Variants in CRYBG1 observed in about 807,000 individuals in gnomAD.
CRYBG1 encodes beta/gamma crystallin domain-containing protein 1.
Under a neutral mutation model 189.2 loss-of-function variants are expected in CRYBG1, and 139 were observed. The observed-to-expected ratio is 0.73, with a 90% confidence interval of 0.64 to 0.85. The LOEUF is 0.85. CRYBG1 is among the 40% of genes least tolerant of loss of function. The probability of loss-of-function intolerance (pLI) is 0.00; values close to 1 mark genes in which losing one functional copy is unlikely to be tolerated. For synonymous variants in CRYBG1, 1,023 were observed against 1,017.1 expected (o/e 1.01, Z -0.11); for missense variants, 2,611 against 2,675.8 (o/e 0.98, Z 0.53).
chr6:106,419,060 C>G (rs1042090380), intron 1 of CRYBG1, among the ~76,000 whole-genome samples: 11 of 152,164 alleles, frequency 7.2e-5, no homozygotes, highest in African/African-American at 2.7e-4. Context: ...GTTGTCTGCC[C>G]CTTACTGTAC....
intron 1 of CRYBG1, among the ~76,000 whole-genome samples, chr6:106,403,000 C>T (rs1770751138): frequency 6.6e-6 from 1 of 152,138 alleles, no homozygotes; most frequent in African/African-American, 2.4e-5. Context: ...AACATTAACG[C>T]ACAGCAGCTT....
At chr6:106,548,872 T>A (rs564238027) in intron 13 of CRYBG1, among the ~76,000 whole-genome samples, 9 of 150,886 alleles carry the variant, frequency 6.0e-5, no homozygotes, top group Non-Finnish European at 8.9e-5. Context: ...TAGGTATATC[T>A]CCTAATGCTA....
chr6:106,444,959 C>T (rs567170279), intron 1 of CRYBG1, among the ~76,000 whole-genome samples: 1 of 151,302 alleles, frequency 6.6e-6, no homozygotes, highest in East Asian at 1.9e-4. Context: ...CATAGTGAGA[C>T]CCCGTCTTTA....
At chr6:106,396,760 C>T (rs111334984) in intron 1 of CRYBG1, among the ~76,000 whole-genome samples, 4 of 152,364 alleles carry the variant, frequency 2.6e-5, no homozygotes, top group African/African-American at 9.6e-5. Context: ...CTGCTCACTG[C>T]AACCTCTGCC....
rs373644273 is a variant in CRYBG1 at position 106,377,621 on chromosome 6, T to TTATATATATA, written c.173+16558_173+16567dup. ...TGTGTAACTCATAAGTCCTAAGGTT[T>TTATATATATA]TATATATATATATATATATATATAT... On this transcript the variant is annotated intron_variant, in intron 1 of 21. Transcript: ENST00000633556. Among the ~76,000 whole-genome samples the TTATATATATA allele has an allele frequency of 4.1e-3, 282 of 69,468 alleles. 15 individuals are homozygous for TTATATATATA. Among genetic ancestry groups the TTATATATATA allele is most frequent in the Middle Eastern group, 9.3e-3 (1 of 108 alleles). The allele number at this position is 69,468 out of a possible 152,430, so 45.6% of individuals were successfully genotyped here. A position where few individuals can be genotyped will look rare whatever the true frequency, so the allele number is the denominator to read the frequency against.
In CRYBG1 at chr6:106,544,931, AG is replaced by A; in HGVS notation, c.5311del (p.Val1771TyrfsTer3). 6.3e-7 allele frequency: 1 copy of A among 1,592,582 alleles called. No homozygotes were observed. Among genetic ancestry groups the A allele is most frequent in the Non-Finnish European group, 8.5e-7 (1 of 1,174,310 alleles). ...CACAGTCTATTAATGTACTGAGTGG[AG>A]TGTAAGTGAAATAATCCAGTTGGAA... ...KTQSINVLSG[V>X]WVAYENPDFT... On this transcript the variant is annotated frameshift_variant and splice_region_variant, in exon 13 of 22. Transcript: ENST00000633556. LOFTEE classifies it high-confidence loss of function.
intron 1 of CRYBG1, among the ~76,000 whole-genome samples, chr6:106,433,500 C>A (rs111535643): frequency 0.028 from 4,181 of 151,940 alleles, 187 homozygotes; most frequent in African/African-American, 0.086. Context: ...GGATTTAATT[C>A]TTTGACTAGT....
In CRYBG1 at chr6:106,534,268, A is replaced by T. The variant is rs532558400; in HGVS notation, c.4718+3953A>T. Among the ~76,000 whole-genome samples, 8 of 152,318 alleles carry T rather than the reference A, an allele frequency of 5.3e-5. No individual in the cohort carries two copies. In the South Asian group the frequency reaches 1.7e-3, roughly 32 times the overall value. On this transcript the variant is annotated intron_variant, in intron 8 of 21. Coordinates refer to ENST00000633556, the MANE Select transcript of CRYBG1 (RefSeq NM_001371242.2). ...AGTTTAGCTTTGCCTCCTGGGTGGT[A>T]GTTACCAGCCTGTCACAGCTTACAA... is the stretch of plus-strand genomic sequence containing the variant.
At chr6:106,538,083 G>A (rs1384631724) in intron 8 of CRYBG1, among the ~76,000 whole-genome samples, 1 of 152,150 alleles carries the variant, frequency 6.6e-6, no homozygotes, top group African/African-American at 2.4e-5. Context: ...ACAACATGGT[G>A]GAGTACCACG....
rs1224439620 is a variant in CRYBG1, at chr6:106,551,932, G to A, written c.5393G>A (p.Trp1798Ter). The A allele has an allele frequency of 1.2e-6, 2 of 1,611,384 alleles. No homozygotes were observed. The highest frequency in any genetic ancestry group is 8.5e-7 in the Non-Finnish European group (1 of 1,178,112). The change falls in exon 14 of 22, where the codon TGG (tryptophan) becomes TAG (stop). Residue 1798 changes from tryptophan (W) to a stop codon, truncating the protein, a stop_gained. Coordinates refer to ENST00000633556, the MANE Select transcript of CRYBG1 (RefSeq NM_001371242.2). LOFTEE classifies it high-confidence loss of function. ...DKGFYTSFED[W>*]GGKNCKISSV... Reference sequence around the variant, plus strand: ...GGATTTTATACCAGTTTTGAGGACTGGGGAGGCAAAAATTGTAAGATCTCT... The same window carrying A: ...GGATTTTATACCAGTTTTGAGGACTAGGGAGGCAAAAATTGTAAGATCTCT...
At chr6:106,554,916 C>T (rs991013238) in intron 16 of CRYBG1, among the ~76,000 whole-genome samples, 4 of 152,108 alleles carry the variant, frequency 2.6e-5, no homozygotes, top group Non-Finnish European at 5.9e-5. Context: ...CCTGTAATCC[C>T]AGCACTTTGG....
chr6:106,532,146 C>T (rs571758670), intron 8 of CRYBG1, among the ~76,000 whole-genome samples: 7 of 152,188 alleles, frequency 4.6e-5, no homozygotes, highest in South Asian at 2.1e-4. Flanking sequence ...ACCTCAAACA[C>T]GTATTATTTC....
chr6:106,412,943 T>TAAAA (rs565658964), intron 1 of CRYBG1, among the ~76,000 whole-genome samples: 1 of 118,848 alleles, frequency 8.4e-6, no homozygotes, highest in African/African-American at 3.0e-5. Context: ...ACAAATTCTT[T>TAAAA]AAAAAAAAAA....
At position 106,480,147 on chromosome 6, in the gene CRYBG1, CATG is replaced by C. The variant is rs1772412812; in HGVS notation, c.312+28319_312+28321del. Among the ~76,000 whole-genome samples the C allele has an allele frequency of 5.9e-5, 9 of 152,242 alleles. No homozygotes were observed. In the South Asian group the frequency reaches 1.7e-3, roughly 28 times the overall value. On this transcript the variant is annotated intron_variant, in intron 2 of 21. Transcript: ENST00000633556. Reference sequence around the variant, plus strand: ...AGAAATACAGTCTGTTTCTCAGTGACATGATGCCAGGGGAGACATTAATTGCAG... The same window carrying C: ...AGAAATACAGTCTGTTTCTCAGTGACATGCCAGGGGAGACATTAATTGCAG...
chr6:106,553,536 T>C lies in CRYBG1; in HGVS notation c.5554T>C (p.Ser1852Pro). ...AACAAGTCAAATTGATGATTCATTT[T>C]CTACCAAGTCTTGCAGAGTTTCAGG... ...ETTSQIDDSFSTKSCRVSGGS... is the reference protein window; with the variant it reads ...ETTSQIDDSFPTKSCRVSGGS... The change falls in exon 16 of 22, where the codon TCT (serine) becomes CCT (proline). Residue 1852 changes from serine to proline, a missense_variant. Ser to Pro is a moderately conservative substitution (Grantham distance 74). Coordinates refer to ENST00000633556, the MANE Select transcript of CRYBG1 (RefSeq NM_001371242.2). 1 of 1,613,756 alleles carries C rather than the reference T, an allele frequency of 6.2e-7. No homozygotes were observed. The highest frequency in any genetic ancestry group is 8.5e-7 in the Non-Finnish European group (1 of 1,179,626).
intron 12 of CRYBG1, 44 bp from the exon 13 acceptor site, chr6:106,544,744 A>G: frequency 6.2e-7 from 1 of 1,606,642 alleles, no homozygotes; most frequent in Non-Finnish European, 8.5e-7. Context: ...TTCTTTGGAT[A>G]ATAAATGGCT....
intron 2 of CRYBG1, among the ~76,000 whole-genome samples, chr6:106,486,050 G>A (rs554784576): frequency 1.3e-5 from 2 of 152,118 alleles, no homozygotes; most frequent in African/African-American, 4.8e-5. Context: ...ACATGGTTAG[G>A]TTATTTATTA....
intron 1 of CRYBG1, among the ~76,000 whole-genome samples, chr6:106,371,182 T>C (rs1450777002): frequency 1.3e-5 from 2 of 152,232 alleles, no homozygotes; most frequent in Non-Finnish European, 2.9e-5. Flanking sequence ...TGACACGTAA[T>C]ATAGTGTATT....
intron 3 of CRYBG1, among the ~76,000 whole-genome samples, chr6:106,517,457 T>TATACACACATA (rs1773465695): frequency 1.3e-5 from 2 of 148,642 alleles, no homozygotes; most frequent in Non-Finnish European, 3.0e-5. Context: ...TACACACATA[T>TATACACACATA]ATATATACAC....
Sources: gnomAD v4.1 joint callset for allele counts (sites outside exome capture counted in the v4.1 genomes callset) on GRCh38, gnomAD v4.1.1 for gene constraint, MANE v1.5 for transcripts, NCBI Gene and HGNC (gene_info 2026-07-23, HGNC 2026-07-21) for gene names.